ANO2: variants seen among roughly 807,000 people sequenced by gnomAD.
ANO2 encodes anoctamin 2.
ANO2 carries 101 observed loss-of-function variants against 124.2 expected under a neutral mutation model. The observed-to-expected ratio is 0.81, with a 90% CI of 0.69 to 0.96. The LOEUF is 0.96. Ranked by LOEUF, ANO2 falls within the 40% of genes least tolerant of loss-of-function variation. The pLI, the probability that ANO2 is intolerant of heterozygous loss-of-function variation, is 0.00. For missense variants in ANO2, 1,293 were observed against 1,274.5 expected, an observed-to-expected ratio of 1.01 and a Z score of -0.22; for synonymous variants, 486 against 482.5, an observed-to-expected ratio of 1.01 and a Z score of -0.09.
At chr12:5,761,851 CAAACA>C (rs1951754408) in intron 10 of ANO2, among the ~76,000 whole-genome samples, 1 of 152,022 alleles carries the variant, frequency 6.6e-6, no homozygotes, top group Non-Finnish European at 1.5e-5. Flanking sequence ...GAGTTAGCAG[CAAACA>C]AAACAAAACA....
intron 23 of ANO2, among the ~76,000 whole-genome samples, chr12:5,569,063 A>G (rs780229417): frequency 6.6e-6 from 1 of 152,242 alleles, no homozygotes; most frequent in Non-Finnish European, 1.5e-5. Context: ...CACGGCTTCC[A>G]GTTCCTCCTA....
At chr12:5,839,981 C>T (rs1954462129) in intron 4 of ANO2, among the ~76,000 whole-genome samples, 1 of 152,088 alleles carries the variant, frequency 6.6e-6, no homozygotes, top group South Asian at 2.1e-4. Context: ...CCCTTTCCAC[C>T]CTGGCCAAAC....
At chr12:5,928,260 T>A (rs578039692) in intron 1 of ANO2, among the ~76,000 whole-genome samples, 1 of 152,244 alleles carries the variant, frequency 6.6e-6, no homozygotes, top group African/African-American at 2.4e-5. Flanking sequence ...GGCTGAAGTA[T>A]GAAGGGCCCT....
intron 11 of ANO2, among the ~76,000 whole-genome samples, chr12:5,746,946 C>T (rs1182095946): frequency 6.6e-6 from 1 of 152,170 alleles, no homozygotes; most frequent in East Asian, 1.9e-4. Context: ...CAGGGAAGTT[C>T]TATAGAGGTA....
chr12:5,648,245 G>A (rs1246593891), intron 14 of ANO2, among the ~76,000 whole-genome samples: 8 of 152,154 alleles, frequency 5.3e-5, no homozygotes, highest in Non-Finnish European at 1.2e-4. Context: ...TGACAGATAC[G>A]ACCCAACCAC....
intron 3 of ANO2, among the ~76,000 whole-genome samples, chr12:5,917,565 C>CTTTTTT (rs1275136752): frequency 9.9e-6 from 1 of 100,658 alleles, no homozygotes. Context: ...TCTCTTTTTT[C>CTTTTTT]TTTTTTTTTT....
At chr12:5,921,429 G>T in intron 2 of ANO2, 63 bp from the exon 3 acceptor site, 1 of 1,502,314 alleles carries the variant, frequency 6.7e-7, no homozygotes, top group Non-Finnish European at 9.1e-7. Flanking sequence ...AAACAGAGGA[G>T]GCTGATCTAT....
chr12:5,640,702 A>G (rs384367), intron 15 of ANO2, among the ~76,000 whole-genome samples: 151,943 of 152,322 alleles, frequency 1, 75,784 homozygotes, highest in East Asian at 1. Context: ...TTAGAATGGC[A>G]ATCATTAAAA....
At chr12:5,881,684 C>T (rs980415241) in intron 3 of ANO2, 1 of 152,076 alleles carries the variant, frequency 6.6e-6, no homozygotes, top group Admixed American at 6.5e-5. Flanking sequence ...GTTTATGGAC[C>T]CCCAGCCCCC....
chr12:5,719,186 C>G (rs1950128986), intron 14 of ANO2, among the ~76,000 whole-genome samples: 1 of 152,194 alleles, frequency 6.6e-6, no homozygotes, highest in South Asian at 2.1e-4. Flanking sequence ...AGTCCAACTT[C>G]CAACTGCCAG....
At chr12:5,736,270 C>T (rs543167454) in intron 13 of ANO2, among the ~76,000 whole-genome samples, 13 of 152,212 alleles carry the variant, frequency 8.5e-5, no homozygotes, top group Admixed American at 7.8e-4. Flanking sequence ...GTTTCCAAGC[C>T]GGACTTAAGC....
intron 3 of ANO2, among the ~76,000 whole-genome samples, chr12:5,886,909 A>G (rs2137307129): frequency 6.6e-6 from 1 of 152,304 alleles, no homozygotes; most frequent in Non-Finnish European, 1.5e-5. Context: ...AGAAAGTATA[A>G]TGGTGGTTTC....
chr12:5,633,281 A>G (rs1358346730), intron 16 of ANO2, among the ~76,000 whole-genome samples: 1 of 152,176 alleles, frequency 6.6e-6, no homozygotes, highest in East Asian at 1.9e-4. Context: ...ATGCCTCTCC[A>G]AGTTCTAAGT....
At chr12:5,594,648 C>G (rs1424457373) in intron 20 of ANO2, among the ~76,000 whole-genome samples, 1 of 152,096 alleles carries the variant, frequency 6.6e-6, no homozygotes, top group Non-Finnish European at 1.5e-5. Flanking sequence ...CCAGCCTGGG[C>G]AACACAGTGA....
chr12:5,602,256 C>CT (rs56321415), intron 19 of ANO2, among the ~76,000 whole-genome samples: 18,777 of 148,274 alleles, frequency 0.13, 1,368 homozygotes, highest in East Asian at 0.34. Context: ...TCTAGGAACT[C>CT]TTTTTTTTTT....
chr12:5,853,955 A>T (rs1434746284), intron 4 of ANO2, 88 bp downstream of exon 4: 3 of 799,798 alleles, frequency 3.8e-6, no homozygotes, highest in Non-Finnish European at 5.4e-6. Flanking sequence ...ATTCCACAAA[A>T]CCCACATCCC....
At chr12:5,827,918 C>A in intron 6 of ANO2, 98 bp from the exon 7 acceptor site, 2 of 1,379,670 alleles carry the variant, frequency 1.4e-6, no homozygotes, top group Admixed American at 2.2e-5. Flanking sequence ...GGGAGGCGCC[C>A]GGGCTCATTT....
chr12:5,914,584 GC>G (rs1172613285), intron 3 of ANO2, among the ~76,000 whole-genome samples: 1 of 152,180 alleles, frequency 6.6e-6, no homozygotes, highest in Admixed American at 6.5e-5. Flanking sequence ...GCGATGCCAG[GC>G]CACGCTGAAT....
At chr12:5,827,704 GAAAGCACGGGGCGGGAGCCGCCTCA>G in intron 7 of ANO2, 40 bp downstream of exon 7, 1 of 1,544,138 alleles carries the variant, frequency 6.5e-7, no homozygotes, top group Non-Finnish European at 8.8e-7. Flanking sequence ...GGGAGCTGTT[GAAAGCACGGGGCGGGAGCCGCCTCA>G]GCGCCCGTCA....
Sources: gnomAD v4.1 joint callset for allele counts (sites outside exome capture counted in the v4.1 genomes callset) on GRCh38, gnomAD v4.1.1 for gene constraint, MANE v1.5 for transcripts, NCBI Gene and HGNC (gene_info 2026-07-23, HGNC 2026-07-21) for gene names.